The following ATF6 variants were observed in gnomAD, a reference collection of about 807,000 sequenced individuals.
ATF6 encodes cyclic AMP-dependent transcription factor ATF-6 alpha.
In ATF6, 53 loss-of-function variants were observed where a neutral mutation model predicts 83.6. The ratio of observed to expected loss-of-function variants is 0.63; its 90% confidence interval spans 0.51 to 0.80. The LOEUF (loss-of-function observed/expected upper bound fraction) is 0.80. ATF6 is among the 30% of genes least tolerant of loss of function. The pLI, the probability that ATF6 is intolerant of heterozygous loss-of-function variation, is 0.00. For missense variants in ATF6, 744 were observed against 797.9 expected, an observed-to-expected ratio of 0.93 and a Z score of 0.81; for synonymous variants, 288 against 285.8, an observed-to-expected ratio of 1.01 and a Z score of -0.08.
chr1:161,963,197 G>A lies in ATF6; in HGVS notation c.*4543G>A, dbSNP rs1254503515. On this transcript the variant is annotated 3_prime_UTR_variant, in exon 16 of 16. Coordinates refer to ENST00000367942, the MANE Select transcript of ATF6 (RefSeq NM_007348.4). Reference sequence around the variant, plus strand: ...AAAAAAAGAAAGTAAAGTGTGTTCTGTTCTTATCTTTTTAATGACTAAGCT... The same window carrying A: ...AAAAAAAGAAAGTAAAGTGTGTTCTATTCTTATCTTTTTAATGACTAAGCT... 3.3e-5 allele frequency: 5 copies of A among 152,172 alleles called. No individual in the cohort carries two copies. Among genetic ancestry groups the A allele is most frequent in the African/African-American group, 1.2e-4 (5 of 41,454 alleles). 9.4% of individuals were successfully genotyped at this position (152,172 alleles called of 1,614,324 possible).
chr1:161,907,006 A>G (rs954565970), intron 14 of ATF6, among the ~76,000 whole-genome samples: 1 of 151,938 alleles, frequency 6.6e-6, no homozygotes, highest in African/African-American at 2.4e-5. Context: ...TGTAATTTTT[A>G]TTTTCAGGAT....
intron 14 of ATF6, among the ~76,000 whole-genome samples, chr1:161,904,626 A>AACACACACAC (rs141394108): frequency 6.7e-6 from 1 of 149,772 alleles, no homozygotes; most frequent in African/African-American, 2.5e-5. Flanking sequence ...AAAAAAACAA[A>AACACACACAC]ACACACACAC....
In ATF6 at chr1:161,771,738, C is replaced by T. The variant is rs112794680; in HGVS notation, c.82+5296C>T. ...AAAGGATCCTCCTGCCTCAGCCTCC[C>T]GAGTAGCTGGGACTACAGACACATG... On this transcript the variant is annotated intron_variant, in intron 1 of 15. Coordinates refer to ENST00000367942, the MANE Select transcript of ATF6 (RefSeq NM_007348.4). Among the ~76,000 whole-genome samples, 1,158 of 152,266 alleles carry T rather than the reference C, an allele frequency of 7.6e-3. 23 individuals are homozygous for T. The highest frequency in any genetic ancestry group is 0.027 in the African/African-American group (1,124 of 41,558).
chr1:161,961,782 G>A lies in ATF6; in HGVS notation c.*3128G>A, dbSNP rs1267268574. On this transcript the variant is annotated 3_prime_UTR_variant, in exon 16 of 16. Coordinates refer to ENST00000367942, the MANE Select transcript of ATF6 (RefSeq NM_007348.4). The stretch of plus-strand genomic sequence containing the variant: ...AATAATACACTCTTGGGAAGTGATG[G>A]TAGAGACTGATGGGAATAGTCTTTC... 2.6e-5 allele frequency: 4 copies of A among 152,160 alleles called. No individual in the cohort carries two copies. The highest frequency in any genetic ancestry group is 9.7e-5 in the African/African-American group (4 of 41,410). 9.4% of individuals were successfully genotyped at this position (152,160 alleles called of 1,614,324 possible).
intron 6 of ATF6, among the ~76,000 whole-genome samples, chr1:161,794,019 G>C (rs1684948405): frequency 1.3e-5 from 2 of 152,144 alleles, no homozygotes; most frequent in African/African-American, 2.4e-5. Context: ...TGATTCTCCT[G>C]CTTCAGCCTC....
chr1:161,811,948 A>G (rs180786181), intron 7 of ATF6, among the ~76,000 whole-genome samples: 5 of 152,350 alleles, frequency 3.3e-5, no homozygotes, highest in African/African-American at 1.2e-4. Flanking sequence ...TCACCTGTCA[A>G]TATTACAATT....
chr1:161,921,412 G>A (rs1688210374), intron 15 of ATF6, among the ~76,000 whole-genome samples: 1 of 152,114 alleles, frequency 6.6e-6, no homozygotes, highest in South Asian at 2.1e-4. Flanking sequence ...GAGCGAAGAT[G>A]AGCTAGGATA....
chr1:161,846,035 A>T (rs1330820050), intron 9 of ATF6, among the ~76,000 whole-genome samples: 1 of 152,058 alleles, frequency 6.6e-6, no homozygotes, highest in African/African-American at 2.4e-5. Flanking sequence ...TTTTATTCCT[A>T]CTTCATTTGA....
chr1:161,906,087 C>A (rs972290643), intron 14 of ATF6, among the ~76,000 whole-genome samples: 11 of 152,134 alleles, frequency 7.2e-5, no homozygotes, highest in Non-Finnish European at 1.6e-4. Context: ...TCTGCCTCGG[C>A]CTCCGAAAGT....
chr1:161,790,008 T>A (rs1684840318), intron 4 of ATF6, among the ~76,000 whole-genome samples: 1 of 151,022 alleles, frequency 6.6e-6, no homozygotes, highest in Non-Finnish European at 1.5e-5. Flanking sequence ...GTCATTTAAA[T>A]TTTTTTTTAT....
intron 11 of ATF6, among the ~76,000 whole-genome samples, 177 bp downstream of exon 11, chr1:161,852,012 T>C (rs1298379575): frequency 6.6e-6 from 1 of 152,250 alleles, no homozygotes; most frequent in Non-Finnish European, 1.5e-5. Flanking sequence ...GAGATGGTGA[T>C]GGGTCTATTT....
Position 161,770,596 on chromosome 1 carries a change from C to A in ATF6, c.82+4154C>A, listed in dbSNP as rs111756297. 9.0e-3 allele frequency among the ~76,000 whole-genome samples: 1,363 copies of A among 152,276 alleles called. 30 individuals carry two copies. Among genetic ancestry groups the A allele is most frequent in the African/African-American group, 0.032 (1,321 of 41,560 alleles). ...GATTAGTGCCCCACTTTAATGACCT[C>A]ATTTAACTTTAATTACCTCCTAAAG... On this transcript the variant is annotated intron_variant, in intron 1 of 15. Transcript: ENST00000367942.
At chr1:161,858,214 T>C (rs1686806826) in intron 12 of ATF6, among the ~76,000 whole-genome samples, 1 of 151,942 alleles carries the variant, frequency 6.6e-6, no homozygotes, top group Non-Finnish European at 1.5e-5. Flanking sequence ...GAGAAACACA[T>C]AAAGAACAAA....
chr1:161,864,694 TGTG>T (rs1686953562), intron 14 of ATF6, among the ~76,000 whole-genome samples: 1 of 152,196 alleles, frequency 6.6e-6, no homozygotes, highest in South Asian at 2.1e-4. Flanking sequence ...CAAAATTCCC[TGTG>T]TTCACCTTAC....
At chr1:161,830,818 AATGT>A (rs1686037903) in intron 9 of ATF6, among the ~76,000 whole-genome samples, 1 of 152,252 alleles carries the variant, frequency 6.6e-6, no homozygotes, top group Non-Finnish European at 1.5e-5. Context: ...CAAAGACTTA[AATGT>A]TAGACCTAAA....
chr1:161,767,238 A>G (rs1265446269), intron 1 of ATF6, among the ~76,000 whole-genome samples: 1 of 152,184 alleles, frequency 6.6e-6, no homozygotes, highest in Non-Finnish European at 1.5e-5. Flanking sequence ...TAGTGAGCCT[A>G]CACCACTCAT....
At chr1:161,901,932 G>C (rs1687794756) in intron 14 of ATF6, among the ~76,000 whole-genome samples, 2 of 152,012 alleles carry the variant, frequency 1.3e-5, no homozygotes, top group Non-Finnish European at 2.9e-5. Context: ...CTAAGAGTTA[G>C]GCAGATCTTC....
intron 9 of ATF6, among the ~76,000 whole-genome samples, chr1:161,832,559 ATACTGTGCTCTTC>A (rs1161723972): frequency 6.6e-6 from 1 of 152,244 alleles, no homozygotes; most frequent in East Asian, 1.9e-4. Flanking sequence ...TACCACCCTA[ATACTGTGCTCTTC>A]CAACGGGCTT....
At chr1:161,806,132 T>C in intron 7 of ATF6, among the ~76,000 whole-genome samples, 1 of 152,204 alleles carries the variant, frequency 6.6e-6, no homozygotes, top group East Asian at 1.9e-4. Flanking sequence ...ATGGAAAAAA[T>C]GAACATGATC....
Sources: gnomAD v4.1 joint callset for allele counts (sites outside exome capture counted in the v4.1 genomes callset) on GRCh38, gnomAD v4.1.1 for gene constraint, MANE v1.5 for transcripts, NCBI Gene and HGNC (gene_info 2026-07-23, HGNC 2026-07-21) for gene names.